EXOC6B: variants seen among roughly 807,000 people sequenced by gnomAD.
The protein encoded by EXOC6B is exocyst complex component 6B, also known as SEC15 homolog B.
EXOC6B carries 54 observed loss-of-function variants against 113.5 expected under a neutral mutation model. The observed-to-expected ratio is 0.48, with a 90% CI of 0.38 to 0.60. EXOC6B has a LOEUF of 0.60. EXOC6B is among the 20% of genes least tolerant of loss of function. The pLI, the probability that EXOC6B is intolerant of heterozygous loss-of-function variation, is 0.00. For missense variants in EXOC6B, 797 were observed against 977.5 expected (o/e 0.82, Z 2.46); for synonymous variants, 357 against 339.0 (o/e 1.05, Z -0.58).
chr2:72,652,341 G>C (rs1389281038), intron 6 of EXOC6B, among the ~76,000 whole-genome samples: 1 of 152,100 alleles, frequency 6.6e-6, no homozygotes, highest in Non-Finnish European at 1.5e-5. Context: ...AAATCTAATT[G>C]AGTTTGATTT....
At chr2:72,609,323 G>C (rs1670928502) in intron 6 of EXOC6B, among the ~76,000 whole-genome samples, 1 of 152,040 alleles carries the variant, frequency 6.6e-6, no homozygotes. Flanking sequence ...AATGTGTAAA[G>C]AATGTAGAGA....
At chr2:72,501,310 G>C (rs768660661) in intron 11 of EXOC6B, among the ~76,000 whole-genome samples, 1 of 151,974 alleles carries the variant, frequency 6.6e-6, no homozygotes. Flanking sequence ...TGTTTAAAGA[G>C]CCTGGCAAAC....
chr2:72,280,862 A>G (rs1336569873), intron 20 of EXOC6B, among the ~76,000 whole-genome samples: 1 of 152,106 alleles, frequency 6.6e-6, no homozygotes, highest in Non-Finnish European at 1.5e-5. Flanking sequence ...TGGATAAACA[A>G]AAACGAGTTT....
intron 20 of EXOC6B, among the ~76,000 whole-genome samples, chr2:72,267,144 A>C (rs1684156932): frequency 6.6e-6 from 1 of 152,196 alleles, no homozygotes; most frequent in African/African-American, 2.4e-5. Flanking sequence ...TATCAGCTTA[A>C]GGAGATTTTG....
At chr2:72,635,166 A>C (rs918836891) in intron 6 of EXOC6B, among the ~76,000 whole-genome samples, 1 of 152,260 alleles carries the variant, frequency 6.6e-6, no homozygotes, top group East Asian at 1.9e-4. Context: ...AGAAAGAGAA[A>C]AGCAAAGTAA....
Position 72,514,623 on chromosome 2 carries a change from T to C in EXOC6B, c.1046+11A>G, listed in dbSNP as rs1205579761. On this transcript the variant is annotated intron_variant, in intron 10 of 21. Coordinates refer to ENST00000272427, the MANE Select transcript of EXOC6B (RefSeq NM_015189.3). Reference sequence around the variant, plus strand: ...ATAAATAAATATATATATATATATATATATACCTACCCTACAATTTGATTA... The same window carrying C: ...ATAAATAAATATATATATATATATACATATACCTACCCTACAATTTGATTA... The C allele has an allele frequency of 3.4e-6, 2 of 596,436 alleles. No homozygotes were observed. Among genetic ancestry groups the C allele is most frequent in the South Asian group, 4.2e-5 (2 of 47,634 alleles). 36.9% of individuals were successfully genotyped at this position (596,436 alleles called of 1,614,324 possible).
chr2:72,391,940 T>G (rs566430990), intron 18 of EXOC6B, among the ~76,000 whole-genome samples: 8 of 152,242 alleles, frequency 5.3e-5, no homozygotes, highest in Non-Finnish European at 1.2e-4. Flanking sequence ...TTCACTAATC[T>G]TGAATTCTGC....
At chr2:72,502,340 A>G (rs1395390159) in intron 11 of EXOC6B, among the ~76,000 whole-genome samples, 2 of 152,148 alleles carry the variant, frequency 1.3e-5, no homozygotes, top group Non-Finnish European at 2.9e-5. Context: ...CTGAGGTCAG[A>G]AACTCTGGGC....
intron 20 of EXOC6B, among the ~76,000 whole-genome samples, chr2:72,224,422 A>G (rs1464313776): frequency 1.3e-5 from 2 of 152,198 alleles, no homozygotes; most frequent in Non-Finnish European, 2.9e-5. Context: ...TGCTATATGT[A>G]CAAAGATACA....
chr2:72,336,017 TATACACACACAC>T (rs1464012276), intron 19 of EXOC6B, among the ~76,000 whole-genome samples: 3 of 150,974 alleles, frequency 2.0e-5, no homozygotes, highest in South Asian at 2.1e-4. Context: ...TTAAGTTCCC[TATACACACACAC>T]ATACACACAC....
intron 6 of EXOC6B, among the ~76,000 whole-genome samples, chr2:72,639,216 T>C (rs144808457): frequency 3.8e-4 from 58 of 151,702 alleles, no homozygotes; most frequent in Non-Finnish European, 5.4e-4. Flanking sequence ...TCAGATGGAG[T>C]CTTGGCAGAC....
At chr2:72,572,154 T>C (rs1558807044) in intron 7 of EXOC6B, among the ~76,000 whole-genome samples, 1 of 152,114 alleles carries the variant, frequency 6.6e-6, no homozygotes, top group Admixed American at 6.6e-5. Context: ...AAAAAAACAA[T>C]AGAAGACCCA....
intron 6 of EXOC6B, among the ~76,000 whole-genome samples, chr2:72,575,927 C>A (rs913574172): frequency 6.6e-6 from 1 of 152,046 alleles, no homozygotes; most frequent in Non-Finnish European, 1.5e-5. Flanking sequence ...TCCAAGTTAA[C>A]ACAGAAAACA....
intron 5 of EXOC6B, among the ~76,000 whole-genome samples, chr2:72,727,415 A>G (rs967410148): frequency 1.3e-5 from 2 of 152,182 alleles, no homozygotes; most frequent in African/African-American, 4.8e-5. Flanking sequence ...ATGAAAGGCA[A>G]GGAAAGGCTG....
intron 19 of EXOC6B, among the ~76,000 whole-genome samples, chr2:72,338,964 T>TACACATACACATACACAC (rs1369428147): frequency 8.7e-6 from 1 of 114,384 alleles, no homozygotes; most frequent in Non-Finnish European, 1.8e-5. Flanking sequence ...CACATACACA[T>TACACATACACATACACAC]ACATACACAT....
At chr2:72,529,342 T>G (rs1211528449) in intron 8 of EXOC6B, among the ~76,000 whole-genome samples, 1 of 152,234 alleles carries the variant, frequency 6.6e-6, no homozygotes, top group African/African-American at 2.4e-5. Flanking sequence ...CATATATTCA[T>G]TTTATACATT....
At chr2:72,284,200 C>T (rs1489507060) in intron 20 of EXOC6B, among the ~76,000 whole-genome samples, 1 of 152,096 alleles carries the variant, frequency 6.6e-6, no homozygotes, top group East Asian at 1.9e-4. Context: ...CAATATCACT[C>T]ATAAACATAG....
At chr2:72,333,652 T>C (rs922378486) in intron 20 of EXOC6B, among the ~76,000 whole-genome samples, 2 of 152,136 alleles carry the variant, frequency 1.3e-5, no homozygotes, top group African/African-American at 4.8e-5. Context: ...GATTGTTCCA[T>C]TTGTGATCAT....
chr2:72,572,783 C>T (rs1438132027), intron 7 of EXOC6B, among the ~76,000 whole-genome samples: 2 of 152,142 alleles, frequency 1.3e-5, no homozygotes, highest in Non-Finnish European at 2.9e-5. Context: ...ATAAATAATT[C>T]TCTACATGAG....
Sources: gnomAD v4.1 joint callset for allele counts (sites outside exome capture counted in the v4.1 genomes callset) on GRCh38, gnomAD v4.1.1 for gene constraint, MANE v1.5 for transcripts, NCBI Gene and HGNC (gene_info 2026-07-23, HGNC 2026-07-21) for gene names.